The following NKAPD1 variants were observed in gnomAD, a reference collection of about 807,000 sequenced individuals.
NKAPD1 encodes the protein NKAP domain containing 1.
A neutral mutation model predicts 30.9 loss-of-function variants in NKAPD1; 12 were observed. That is an observed-to-expected ratio of 0.39 (90% CI 0.25 to 0.63). NKAPD1 has a LOEUF of 0.63. Among genes scored for constraint, NKAPD1 ranks in the 20% least tolerant of loss-of-function variants. The pLI, the probability that NKAPD1 is intolerant of heterozygous loss-of-function variation, is 0.51. For synonymous variants in NKAPD1, 91 were observed against 113.6 expected (o/e 0.80, Z 1.26); for missense variants, 311 against 344.5 (o/e 0.90, Z 0.77).
rs531487367 is a variant in NKAPD1 at position 112,075,650 on chromosome 11, G to A, written c.69+7G>A. The A allele has an allele frequency of 1.9e-6, 3 of 1,607,488 alleles. No homozygotes were observed. The African/African-American group carries it at 4.0e-5, about 22-fold the overall frequency. ...CACAGATGCTCACAATAAGGTGGGA[G>A]GTACAACCTAGTTACTCCTCAACGC... On this transcript the variant is annotated splice_region_variant and intron_variant, in intron 2 of 5. Transcript: ENST00000393047.
intron 4 of NKAPD1, chr11:112,081,082 T>A (rs1009165933): frequency 6.5e-6 from 1 of 153,120 alleles, no homozygotes; most frequent in African/African-American, 2.4e-5. Flanking sequence ...ATCCCAGTAC[T>A]TTGGGAGGCC....
chr11:112,080,692 G>T lies in NKAPD1; in HGVS notation c.320+134G>T, dbSNP rs573195587. The T allele has an allele frequency of 4.3e-6, 4 of 938,170 alleles. No homozygotes were observed. In the Admixed American group the frequency reaches 1.1e-4, roughly 25 times the overall value. 58.1% of individuals were successfully genotyped at this position (938,170 alleles called of 1,614,324 possible). On this transcript the variant is annotated intron_variant, in intron 4 of 5. Coordinates refer to ENST00000393047, the MANE Select transcript of NKAPD1 (RefSeq NM_018195.4). ...TTAATAATGGCCCCAAAAAATAATGGCCAAGTAATCCAAATGTCTGTCAAC... is the reference window on the plus strand; with the variant it reads ...TTAATAATGGCCCCAAAAAATAATGTCCAAGTAATCCAAATGTCTGTCAAC...
At chr11:112,076,499 T>C (rs1246579785) in intron 2 of NKAPD1, among the ~76,000 whole-genome samples, 2 of 152,118 alleles carry the variant, frequency 1.3e-5, no homozygotes, top group Non-Finnish European at 2.9e-5. Flanking sequence ...TAGTCGAAAA[T>C]CCATGTATAA....
At position 112,079,012 on chromosome 11, in the gene NKAPD1, G is replaced by A. The variant is rs78468878; in HGVS notation, c.170+697G>A. Among the ~76,000 whole-genome samples, 1,073 of 152,288 alleles carry A rather than the reference G, an allele frequency of 7.0e-3. 5 individuals carry two copies. The highest frequency in any genetic ancestry group is 0.011 in the Non-Finnish European group (731 of 68,028). ...TGAATAATTGGGAAGATCCTTACAC[G>A]CTTGTAAGTGTAAGAGCTACATATA... On this transcript the variant is annotated intron_variant, in intron 3 of 5. Coordinates refer to ENST00000393047, the MANE Select transcript of NKAPD1 (RefSeq NM_018195.4).
rs1865269722 is a variant in NKAPD1 at position 112,074,625 on chromosome 11, G to T, written c.-300G>T. On this transcript the variant is annotated 5_prime_UTR_variant, in exon 1 of 6. Coordinates refer to ENST00000393047, the MANE Select transcript of NKAPD1 (RefSeq NM_018195.4). Reference sequence around the variant, plus strand: ...TTCGTCCTAGAGGAGCGTGAGCGGGGAATGCCCAGGTCAACCGGGCTGTCC... The same window carrying T: ...TTCGTCCTAGAGGAGCGTGAGCGGGTAATGCCCAGGTCAACCGGGCTGTCC... 5.0e-6 allele frequency: 2 copies of T among 397,234 alleles called. No homozygotes were observed. The highest frequency in any genetic ancestry group is 2.1e-5 in the African/African-American group (1 of 48,618). 24.6% of individuals were successfully genotyped at this position (397,234 alleles called of 1,614,324 possible).
At position 112,078,724 on chromosome 11, in the gene NKAPD1, C is replaced by CT. The variant is rs1464605285; in HGVS notation, c.170+418dup. Among the ~76,000 whole-genome samples the CT allele has an allele frequency of 7.3e-5, 11 of 151,566 alleles. No homozygotes were observed. In the South Asian group the frequency reaches 1.7e-3, roughly 23 times the overall value. On this transcript the variant is annotated intron_variant, in intron 3 of 5. Transcript: ENST00000393047. ...AGGTGCATGCCACTATGCCTAGCTA[C>CT]TTTTTTTTTGTAGAGGTGGTGTCTT...
chr11:112,077,667 T>A (rs540827915), intron 2 of NKAPD1, among the ~76,000 whole-genome samples: 1 of 152,328 alleles, frequency 6.6e-6, no homozygotes, highest in Admixed American at 6.5e-5. Context: ...AAGGTGATGT[T>A]TGTCTGTGCA....
In NKAPD1 at chr11:112,082,914, G is replaced by C; in HGVS notation, c.824G>C (p.Arg275Pro). 1 of 1,607,272 alleles carries C rather than the reference G, an allele frequency of 6.2e-7. No individual in the cohort carries two copies. Among genetic ancestry groups the C allele is most frequent in the Non-Finnish European group, 8.5e-7 (1 of 1,178,474 alleles). The change falls in exon 6 of 6, where the codon CGC becomes CCC. Residue 275 changes from arginine (R) to proline (P), a missense_variant. By Grantham distance (103) the Arg-to-Pro change is moderately radical (BLOSUM62 -2). Transcript: ENST00000393047. Reference protein sequence around the residue: ...NNEIQERTNKRTNWKVATDER... With the variant: ...NNEIQERTNKPTNWKVATDER... ...GAAATACAGGAGAGGACAAACAAAC[G>C]CACAAATTGGAAAGTAGCTACAGAT... is the stretch of plus-strand genomic sequence containing the variant.
In NKAPD1 at chr11:112,080,411, G is replaced by T; in HGVS notation, c.173G>T (p.Arg58Leu). 2 of 1,613,298 alleles carry T rather than the reference G, an allele frequency of 1.2e-6. No individual in the cohort carries two copies. Among genetic ancestry groups the T allele is most frequent in the Non-Finnish European group, 1.7e-6 (2 of 1,179,930 alleles). ...AGTTCTTCTGCTTTCTCTTTTAGCCGGATGCGCAGTGATGGTTTTGATGAA... is the reference window on the plus strand; with the variant it reads ...AGTTCTTCTGCTTTCTCTTTTAGCCTGATGCGCAGTGATGGTTTTGATGAA... Reference protein sequence around the residue: ...KRKMLPSSSSRMRSDGFDEES... With the variant: ...KRKMLPSSSSLMRSDGFDEES... The change falls in exon 4 of 6, where the codon CGG becomes CTG. Residue 58 changes from arginine to leucine, a missense_variant and splice_region_variant. Coordinates refer to ENST00000393047, the MANE Select transcript of NKAPD1 (RefSeq NM_018195.4).
chr11:112,075,635 C>G lies in NKAPD1; in HGVS notation c.61C>G (p.His21Asp), dbSNP rs758340753. Reference sequence around the variant, plus strand: ...GAATGTCATCCGGCACACAGATGCTCACAATAAGGTGGGAGGTACAACCTA... The same window carrying G: ...GAATGTCATCCGGCACACAGATGCTGACAATAAGGTGGGAGGTACAACCTA... ...LRNVIRHTDA[H>D]NKIQEESDMW... Residue 21 changes from histidine to aspartate, a missense_variant, in exon 2 of 6, where the codon CAC becomes GAC. Transcript: ENST00000393047. 6.2e-7 allele frequency: 1 copy of G among 1,608,008 alleles called. No homozygotes were observed. The highest frequency in any genetic ancestry group is 8.5e-7 in the Non-Finnish European group (1 of 1,178,326).
intron 4 of NKAPD1, chr11:112,081,705 C>G: frequency 3.0e-6 from 1 of 335,710 alleles, no homozygotes; most frequent in Non-Finnish European, 5.5e-6. Flanking sequence ...TGCTTCATAG[C>G]TAAAGAGCAG....
Position 112,074,333 on chromosome 11 carries a change from C to A in NKAPD1, c.-592C>A, listed in dbSNP as rs369525741. 1.0e-5 allele frequency: 4 copies of A among 399,288 alleles called. No homozygotes were observed. The highest frequency in any genetic ancestry group is 6.2e-5 in the African/African-American group (3 of 48,762). 24.7% of individuals were successfully genotyped at this position (399,288 alleles called of 1,614,324 possible). ...CCAAACCACTTCTTCCCCCCTACCC[C>A]CCGCCACGCGAGGCTGCGGCGCACG... On this transcript the variant is annotated 5_prime_UTR_variant, in exon 1 of 6. Transcript: ENST00000393047.
At position 112,082,535 on chromosome 11, in the gene NKAPD1, C is replaced by T. The variant is rs370435297; in HGVS notation, c.445C>T (p.Arg149Cys). ...GGTAAAGTCATCTACCCATGAATCC[C>T]GCAAACACAAGAAGTCAAAGAAATC... ...PQVKSSTHES[R>C]KHKKSKKSHK... is the part of the protein sequence containing the mutation. Residue 149 changes from arginine (R) to cysteine (C), a missense_variant, in exon 6 of 6, where the codon CGC becomes TGC. Transcript: ENST00000393047. 2.7e-5 allele frequency: 44 copies of T among 1,609,990 alleles called. No homozygotes were observed. The highest frequency in any genetic ancestry group is 1.6e-4 in the African/African-American group (12 of 74,088).
chr11:112,078,407 AT>A, intron 3 of NKAPD1, 92 bp downstream of exon 3: 1 of 1,033,622 alleles, frequency 9.7e-7, no homozygotes, highest in Non-Finnish European at 1.5e-6. Flanking sequence ...TTAAGGATAA[AT>A]TCAGTTCTGT....
rs1865372280 is a variant in NKAPD1 at position 112,078,218 on chromosome 11, C to T, written c.73C>T (p.Gln25Ter). The change falls in exon 3 of 6, where the codon CAG (glutamine) becomes TAG (stop). Residue 25 changes from glutamine (Q) to a stop codon, truncating the protein, a stop_gained. Coordinates refer to ENST00000393047, the MANE Select transcript of NKAPD1 (RefSeq NM_018195.4). LOFTEE classifies it high-confidence loss of function. ...IRHTDAHNKI[Q>*]EESDMWKIRE... Reference sequence around the variant, plus strand: ...ATTTCCTTTTTAAAAATTCTAGATTCAGGAGGAATCAGATATGTGGAAAAT... The same window carrying T: ...ATTTCCTTTTTAAAAATTCTAGATTTAGGAGGAATCAGATATGTGGAAAAT... 1 of 1,597,686 alleles carries T rather than the reference C, an allele frequency of 6.3e-7. No homozygotes were observed. Among genetic ancestry groups the T allele is most frequent in the South Asian group, 1.1e-5 (1 of 87,688 alleles).
In NKAPD1 at chr11:112,084,253, A is replaced by G. The variant is rs2135258177; in HGVS notation, c.*1281A>G. ...CGGAATTACTTCACAGTAGCATGACAGTATAAGACACCAGCAGTAGATACA... is the reference window on the plus strand; with the variant it reads ...CGGAATTACTTCACAGTAGCATGACGGTATAAGACACCAGCAGTAGATACA... On this transcript the variant is annotated 3_prime_UTR_variant, in exon 6 of 6. Coordinates refer to ENST00000393047, the MANE Select transcript of NKAPD1 (RefSeq NM_018195.4). The G allele has an allele frequency of 6.5e-6, 1 of 152,748 alleles. No homozygotes were observed. The highest frequency in any genetic ancestry group is 1.9e-4 in the East Asian group (1 of 5,184). The allele number at this position is 152,748 out of a possible 1,614,324, so 9.5% of individuals were successfully genotyped here.
chr11:112,083,237 A>C lies in NKAPD1; in HGVS notation c.*265A>C. ...ATTAATTACGTTTAGTGTAGAGTGC[A>C]TATACAGCAAATTAAAGGACCCAGA... On this transcript the variant is annotated 3_prime_UTR_variant, in exon 6 of 6. Coordinates refer to ENST00000393047, the MANE Select transcript of NKAPD1 (RefSeq NM_018195.4). 3.6e-6 allele frequency: 1 copy of C among 279,408 alleles called. No homozygotes were observed. Among genetic ancestry groups the C allele is most frequent in the Non-Finnish European group, 6.7e-6 (1 of 149,424 alleles). The allele number at this position is 279,408 out of a possible 1,614,324, so 17.3% of individuals were successfully genotyped here. A position where few individuals can be genotyped will look rare whatever the true frequency, so the allele number is the denominator to read the frequency against.
chr11:112,079,058 T>A (rs1001036450), intron 3 of NKAPD1, among the ~76,000 whole-genome samples: 1 of 152,064 alleles, frequency 6.6e-6, no homozygotes, highest in African/African-American at 2.4e-5. Flanking sequence ...TTAAACTCTT[T>A]AGGAGCAGGG....
chr11:112,081,449 A>C (rs1865450334), intron 4 of NKAPD1: 1 of 153,006 alleles, frequency 6.5e-6, no homozygotes, highest in African/African-American at 2.4e-5. Flanking sequence ...CCTGGCCAAC[A>C]TAATGAAACC....
Sources: allele counts gnomAD v4.1 joint callset (sites outside exome capture counted in the v4.1 genomes callset), GRCh38; gene constraint gnomAD v4.1.1; transcripts MANE v1.5; gene names NCBI Gene and HGNC (gene_info 2026-07-23, HGNC 2026-07-21).